Variants in MYH6 observed in about 807,000 individuals in gnomAD.
The protein encoded by MYH6 is myosin-6.
MYH6 carries 126 observed loss-of-function variants against 223.2 expected under a neutral mutation model. The ratio of observed to expected loss-of-function variants is 0.56; its 90% confidence interval spans 0.49 to 0.65. The LOEUF is 0.65. Ranked by LOEUF, MYH6 falls within the 30% of genes least tolerant of loss-of-function variation. MYH6 has a pLI of 0.00. For synonymous variants in MYH6, 978 were observed against 1,010.2 expected, an observed-to-expected ratio of 0.97 and a Z score of 0.61; for missense variants, 2,040 against 2,536.4, an observed-to-expected ratio of 0.80 and a Z score of 4.20.
rs727504964 is a variant in MYH6, at chr14:23,387,813, G to A, written c.4470C>T (p.Tyr1490=). 38 of 1,613,956 alleles carry A rather than the reference G, an allele frequency of 2.4e-5. No individual in the cohort carries two copies. Among genetic ancestry groups the A allele is most frequent in the Admixed American group, 2.3e-4 (14 of 59,998 alleles). The change falls in exon 31 of 39, where the codon TAC becomes TAT. Residue 1490 remains tyrosine, a synonymous_variant. Transcript: ENST00000405093. ...TCTCTAGGTGCTCCAGGGACTCCTCGTAGGCGTTCTTGAGCTTGAAGAGCT... is the reference window on the plus strand; with the variant it reads ...TCTCTAGGTGCTCCAGGGACTCCTCATAGGCGTTCTTGAGCTTGAAGAGCT... ...STELFKLKNA[Y]EESLEHLETF... is the part of the protein sequence containing the mutation.
chr14:23,392,839 G>A, intron 24 of MYH6, 73 bp downstream of exon 24: 1 of 1,597,354 alleles, frequency 6.3e-7, no homozygotes, highest in Non-Finnish European at 8.5e-7. Context: ...GCCAGTGGAG[G>A]CGCAGCACCC....
intron 25 of MYH6, among the ~76,000 whole-genome samples, 161 bp downstream of exon 25, chr14:23,392,401 G>A (rs923926755): frequency 6.6e-6 from 1 of 152,058 alleles, no homozygotes; most frequent in Non-Finnish European, 1.5e-5. Context: ...TGCTCTATGG[G>A]GGAAGGCTAG....
chr14:23,383,467 C>T, intron 36 of MYH6, 147 bp from the exon 37 acceptor site: 1 of 691,444 alleles, frequency 1.4e-6, no homozygotes, highest in Non-Finnish European at 2.5e-6. Context: ...GGAAGATTCT[C>T]TGACTCTATC....
Position 23,403,374 on chromosome 14 carries a change from A to T in MYH6, c.872T>A (p.Leu291Gln). 6.2e-7 allele frequency: 1 copy of T among 1,614,146 alleles called. No homozygotes were observed. Among genetic ancestry groups the T allele is most frequent in the African/African-American group, 1.3e-5 (1 of 75,038 alleles). Residue 291 changes from leucine to glutamine, a missense_variant, in exon 10 of 39, where the codon CTG (leucine) becomes CAG (glutamine). Physicochemically the swap from Leu to Gln is moderately radical, Grantham distance 113. This residue lies in a region of MYH6 where 649 missense variants were observed against 877.3 expected (regional missense o/e 0.74). Transcript: ENST00000405093. Reference protein sequence around the residue: ...ERNYHIFYQILSNKKPELLDM... With the variant: ...ERNYHIFYQIQSNKKPELLDM... The stretch of plus-strand genomic sequence containing the variant: ...CAGCAACTCCGGCTTCTTGTTGGAC[A>T]GAATCTGGTAGAAGATGTGGTAGTT...
chr14:23,389,068 G>C lies in MYH6; in HGVS notation c.3979-13C>G, dbSNP rs563648655. 9.0e-6 allele frequency: 14 copies of C among 1,551,668 alleles called. No individual in the cohort carries two copies. The East Asian group carries it at 1.4e-4, about 15-fold the overall frequency. Reference sequence around the variant, plus strand: ...GGGCGTTCTTCGCCTGGGGAGGGGGGGGGGCACCAGGAGGTGGGAGGGACT... The same window carrying C: ...GGGCGTTCTTCGCCTGGGGAGGGGGCGGGGCACCAGGAGGTGGGAGGGACT... On this transcript the variant is annotated splice_polypyrimidine_tract_variant and intron_variant, in intron 28 of 38. Transcript: ENST00000405093.
In MYH6 at chr14:23,390,283, C is replaced by T. The variant is rs975923796; in HGVS notation, c.3506G>A (p.Arg1169His). ...CCGCATCTTCTGGAACTCGGCCTCG[C>T]GCTTCTTGTTCATCTCGATCTGCAC... ...TSVQIEMNKK[R>H]EAEFQKMRRD... is the part of the protein sequence containing the mutation. Residue 1169 changes from arginine (R) to histidine (H), a missense_variant, in exon 26 of 39, where the codon CGC (arginine) becomes CAC (histidine). Coordinates refer to ENST00000405093, the MANE Select transcript of MYH6 (RefSeq NM_002471.4). 6.3e-6 allele frequency: 10 copies of T among 1,598,302 alleles called. No homozygotes were observed. The highest frequency in any genetic ancestry group is 2.7e-5 in the African/African-American group (2 of 74,186).
rs142837015 is a variant in MYH6 at position 23,406,997 on chromosome 14, C to G, written c.201+26G>C. 2,446 of 1,610,890 alleles carry G rather than the reference C, an allele frequency of 1.5e-3. 22 individuals are homozygous for G. The African/African-American group carries it at 0.026, about 17-fold the overall frequency. On this transcript the variant is annotated intron_variant, in intron 3 of 38. Transcript: ENST00000405093. ...CTTCTTTCCCAGACCTCCTTCCCTT[C>G]TGCCCCGGCGCCATGCCCTACTCAC...
intron 28 of MYH6, among the ~76,000 whole-genome samples, 162 bp from the exon 29 acceptor site, chr14:23,389,217 C>G (rs1891149176): frequency 6.6e-6 from 1 of 152,232 alleles, no homozygotes; most frequent in Non-Finnish European, 1.5e-5. Flanking sequence ...CTCACCCCAT[C>G]CCCTTACGAA....
chr14:23,406,948 C>G, intron 3 of MYH6, 75 bp downstream of exon 3: 1 of 1,512,926 alleles, frequency 6.6e-7, no homozygotes, highest in East Asian at 2.3e-5. Flanking sequence ...TCAGCTCCCC[C>G]TGCAAGTGGC....
Position 23,388,963 on chromosome 14 carries a change from G to C in MYH6, c.4071C>G (p.Ala1357=). 1 of 1,613,716 alleles carries C rather than the reference G, an allele frequency of 6.2e-7. No individual in the cohort carries two copies. Among genetic ancestry groups the C allele is most frequent in the Non-Finnish European group, 8.5e-7 (1 of 1,180,022 alleles). Residue 1357 remains alanine, a synonymous_variant, in exon 29 of 39, where the codon GCC becomes GCG. Coordinates refer to ENST00000405093, the MANE Select transcript of MYH6 (RefSeq NM_002471.4). ...EQYEEETEAK[A]ELQRVLSKAN... is the part of the protein sequence containing the mutation. ...CCTTGGACAGGACGCGCTGCAGCTC[G>C]GCCTTGGCCTCTGTCTCCTCCTCGT...
Position 23,400,843 on chromosome 14 carries a change from C to T in MYH6, c.1276G>A (p.Gly426Arg), listed in dbSNP as rs139191436. 1 of 1,614,184 alleles carries T rather than the reference C, an allele frequency of 6.2e-7. No homozygotes were observed. The highest frequency in any genetic ancestry group is 1.3e-5 in the African/African-American group (1 of 75,036). ...TCATACACTGCCTTGGCCAGAGCCC[C>T]GATGGAGTAGTACACCTGCTGCACG... is the stretch of plus-strand genomic sequence containing the variant. ...QSVQQVYYSI[G>R]ALAKAVYEKM... Residue 426 changes from glycine to arginine, a missense_variant, in exon 13 of 39, where the codon GGG (glycine) becomes AGG (arginine). Around this residue, in one of 4 missense-constraint regions of MYH6, gnomAD observed 649 missense variants for 877.3 expected, o/e 0.74. Transcript: ENST00000405093.
At chr14:23,396,164 A>G (rs912448960) in intron 20 of MYH6, 120 bp downstream of exon 20, 1 of 1,292,986 alleles carries the variant, frequency 7.7e-7, no homozygotes, top group African/African-American at 1.5e-5. Context: ...TCGAAGTGGT[A>G]AAGTAACTTG....
In MYH6 at chr14:23,405,494, G is replaced by A; in HGVS notation, c.346-115C>T. 1 of 1,596,000 alleles carries A rather than the reference G, an allele frequency of 6.3e-7. No individual in the cohort carries two copies. The highest frequency in any genetic ancestry group is 8.6e-7 in the Non-Finnish European group (1 of 1,166,624). On this transcript the variant is annotated intron_variant, in intron 4 of 38. Transcript: ENST00000405093. This position sits in a 1 kb window ranked among gnomAD's most constrained non-coding sequence, Gnocchi z 4.7. ...AGCTGGCTCTACTCCTCCTGCAGCT[G>A]ACTAGGGGTGGAGGGGGGAAGGGGA... is the stretch of plus-strand genomic sequence containing the variant.
At position 23,407,166 on chromosome 14, in the gene MYH6, C is replaced by T; in HGVS notation, c.58G>A (p.Glu20Lys). 2 of 1,614,276 alleles carry T rather than the reference C, an allele frequency of 1.2e-6. No homozygotes were observed. Among genetic ancestry groups the T allele is most frequent in the Non-Finnish European group, 1.7e-6 (2 of 1,180,052 alleles). The change falls in exon 3 of 39, where the codon GAG becomes AAG. Residue 20 changes from glutamate (E) to lysine (K), a missense_variant. By Grantham distance (56) the Glu-to-Lys change is moderately conservative. Coordinates refer to ENST00000405093, the MANE Select transcript of MYH6 (RefSeq NM_002471.4). The surrounding 1 kb of genome is among the most constrained non-coding windows in gnomAD (Gnocchi z 5.6). Reference protein sequence around the residue: ...GAAAQYLRKSEKERLEAQTRP... With the variant: ...GAAAQYLRKSKKERLEAQTRP... ...GTCTGGGCCTCTAGACGCTCCTTCT[C>T]TGACTTGCGGAGGTACTGGGCCGCT...
chr14:23,401,295 C>A (rs1271197207), intron 12 of MYH6, among the ~76,000 whole-genome samples: 1 of 152,270 alleles, frequency 6.6e-6, no homozygotes, highest in East Asian at 1.9e-4. Flanking sequence ...GCATGAGCCA[C>A]TGCACCTGGC....
chr14:23,389,946 G>A (rs981672746), intron 26 of MYH6, 111 bp downstream of exon 26: 31 of 1,600,570 alleles, frequency 1.9e-5, no homozygotes, highest in Non-Finnish European at 2.6e-5. Flanking sequence ...AGAGACCAAA[G>A]GGTGATGAAG....
At chr14:23,401,017 T>C (rs1451487792) in intron 12 of MYH6, 40 bp from the exon 13 acceptor site, 1 of 1,604,288 alleles carries the variant, frequency 6.2e-7, no homozygotes, top group Non-Finnish European at 8.5e-7. Flanking sequence ...CTTCCTTTTT[T>C]TTTTTTTAAG....
In MYH6 at chr14:23,396,347, C is replaced by A; in HGVS notation, c.2366G>T (p.Arg789Leu). The A allele has an allele frequency of 1.2e-6, 2 of 1,614,094 alleles. No homozygotes were observed. The highest frequency in any genetic ancestry group is 8.5e-7 in the Non-Finnish European group (1 of 1,180,040). Residue 789 changes from arginine (R) to leucine (L), a missense_variant, in exon 20 of 39, where the codon CGC becomes CTC. Transcript: ENST00000405093. The stretch of plus-strand genomic sequence containing the variant: ...CTGGCCCCGGGCTTGGGCCTGCATG[C>A]GCGTGATGATGCGGCTCAGCCTCTC... Reference protein sequence around the residue: ...RDERLSRIITRMQAQARGQLM... With the variant: ...RDERLSRIITLMQAQARGQLM...
chr14:23,394,888 G>A (rs1891348717), intron 20 of MYH6, among the ~76,000 whole-genome samples: 2 of 152,292 alleles, frequency 1.3e-5, no homozygotes, highest in Non-Finnish European at 1.5e-5. Context: ...ATTTTGAGAT[G>A]GAGTTTCACT....
Sources: allele counts gnomAD v4.1 joint callset (sites outside exome capture counted in the v4.1 genomes callset), GRCh38; gene constraint gnomAD v4.1.1; regional missense constraint gnomAD v4.1.1; non-coding constraint Gnocchi (gnomAD v3.1); transcripts MANE v1.5; gene names NCBI Gene and HGNC (gene_info 2026-07-23, HGNC 2026-07-21).